The following ROR1 variants were observed in gnomAD, a reference collection of about 807,000 sequenced individuals.
ROR1 encodes inactive tyrosine-protein kinase transmembrane receptor ROR1.
A neutral mutation model predicts 78.8 loss-of-function variants in ROR1; 19 were observed. That is an observed-to-expected ratio of 0.24 (90% CI 0.17 to 0.35). The LOEUF (loss-of-function observed/expected upper bound fraction) is 0.35. ROR1 is among the 10% of genes least tolerant of loss of function. ROR1 has a pLI of 1.00. For missense variants in ROR1, 917 were observed against 1,177.8 expected (o/e 0.78, Z 3.24); for synonymous variants, 386 against 433.6 (o/e 0.89, Z 1.36).
rs1230188124 is a variant in ROR1 at position 63,811,645 on chromosome 1, GAAGT to G, written c.91+37145_91+37148del. Reference sequence around the variant, plus strand: ...TTGGGACTGGAGGTGTGGTTAGCTGGAAGTAAGTAAGGTTCTGCTAGTTCCCTGG... The same window carrying G: ...TTGGGACTGGAGGTGTGGTTAGCTGGAAGTAAGGTTCTGCTAGTTCCCTGG... On this transcript the variant is annotated intron_variant, in intron 1 of 8. Transcript: ENST00000371079. Among the ~76,000 whole-genome samples the G allele has an allele frequency of 2.0e-5, 3 of 152,252 alleles. No individual in the cohort carries two copies. In the East Asian group the frequency reaches 5.8e-4, roughly 29 times the overall value.
At chr1:64,146,339 G>T (rs1170118394) in intron 7 of ROR1, among the ~76,000 whole-genome samples, 1 of 152,156 alleles carries the variant, frequency 6.6e-6, no homozygotes, top group Non-Finnish European at 1.5e-5. Flanking sequence ...AGCCAGGTGT[G>T]GTGGCATGCA....
chr1:64,112,726 G>C (rs557436897), intron 4 of ROR1, among the ~76,000 whole-genome samples: 42 of 151,956 alleles, frequency 2.8e-4, no homozygotes, highest in African/African-American at 7.2e-4. Context: ...TTCTGTCCCT[G>C]CCCTTCCTCC....
At chr1:63,791,652 G>C (rs1644727697) in intron 1 of ROR1, among the ~76,000 whole-genome samples, 1 of 152,080 alleles carries the variant, frequency 6.6e-6, no homozygotes, top group African/African-American at 2.4e-5. Flanking sequence ...TGGGCATGAG[G>C]GTGGGGTTCA....
intron 6 of ROR1, among the ~76,000 whole-genome samples, chr1:64,141,242 G>T (rs1276787166): frequency 6.6e-6 from 1 of 152,158 alleles, no homozygotes; most frequent in Non-Finnish European, 1.5e-5. Context: ...CAGGGTAATT[G>T]ATAAAAAAAG....
chr1:64,123,306 T>C (rs1344671159), intron 4 of ROR1, among the ~76,000 whole-genome samples: 1 of 152,226 alleles, frequency 6.6e-6, no homozygotes, highest in African/African-American at 2.4e-5. Flanking sequence ...CTATGTCTTG[T>C]TATACTATTG....
chr1:64,121,060 T>C (rs1008749515), intron 4 of ROR1, among the ~76,000 whole-genome samples: 29 of 15,434 alleles, frequency 1.9e-3, no homozygotes, highest in East Asian at 3.4e-3. Flanking sequence ...GAGATACCCC[T>C]TTTTTTTTTT....
At chr1:63,882,504 G>A (rs608471) in intron 1 of ROR1, among the ~76,000 whole-genome samples, 133,298 of 152,124 alleles carry the variant, frequency 0.88, 59,048 homozygotes, top group East Asian at 1. Flanking sequence ...GAGCCTGTGG[G>A]TGACTTAATC....
chr1:64,142,879 C>T (rs2100713680), intron 7 of ROR1: 1 of 1,374,688 alleles, frequency 7.3e-7, no homozygotes, highest in African/African-American at 1.5e-5. Flanking sequence ...CCATTGCACT[C>T]ATGGATGTAA....
intron 2 of ROR1, among the ~76,000 whole-genome samples, chr1:64,017,328 A>G (rs745953090): frequency 4.6e-5 from 7 of 152,152 alleles, no homozygotes; most frequent in Non-Finnish European, 7.4e-5. Flanking sequence ...TACACCCAGT[A>G]TAGAAGCATG....
intron 1 of ROR1, among the ~76,000 whole-genome samples, chr1:63,783,099 T>C (rs1284555932): frequency 6.6e-6 from 1 of 152,174 alleles, no homozygotes; most frequent in Non-Finnish European, 1.5e-5. Flanking sequence ...TCCTGAGTTC[T>C]TAAACCAGGC....
chr1:64,084,532 CA>C (rs1458500863), intron 4 of ROR1, among the ~76,000 whole-genome samples: 1 of 152,182 alleles, frequency 6.6e-6, no homozygotes, highest in Non-Finnish European at 1.5e-5. Flanking sequence ...GATCAAAGGG[CA>C]GTAGCCTGAA....
intron 1 of ROR1, among the ~76,000 whole-genome samples, chr1:63,922,016 C>G (rs1451176380): frequency 6.6e-6 from 1 of 152,200 alleles, no homozygotes; most frequent in Non-Finnish European, 1.5e-5. Flanking sequence ...TTATGCTTCT[C>G]AGCCTATTCT....
At chr1:63,924,776 C>T (rs938637170) in intron 1 of ROR1, among the ~76,000 whole-genome samples, 13 of 151,986 alleles carry the variant, frequency 8.6e-5, no homozygotes, top group African/African-American at 2.9e-4. Context: ...GGCCTGGGAG[C>T]ATTTTGTAGG....
chr1:63,825,572 G>A (rs974641672), intron 1 of ROR1, among the ~76,000 whole-genome samples: 17 of 152,136 alleles, frequency 1.1e-4, no homozygotes, highest in African/African-American at 4.1e-4. Context: ...TGGGGATGAC[G>A]GAAATGTTTT....
chr1:63,907,571 A>C (rs1645538971), intron 1 of ROR1, among the ~76,000 whole-genome samples: 1 of 152,190 alleles, frequency 6.6e-6, no homozygotes, highest in Non-Finnish European at 1.5e-5. Flanking sequence ...TTTCTCATAT[A>C]AAATGTGAAA....
At chr1:64,165,471 A>G (rs1033227243) in intron 8 of ROR1, among the ~76,000 whole-genome samples, 2 of 151,946 alleles carry the variant, frequency 1.3e-5, no homozygotes, top group East Asian at 1.9e-4. Flanking sequence ...TAAGACTTTC[A>G]CCGGATGCAT....
intron 1 of ROR1, among the ~76,000 whole-genome samples, chr1:64,006,305 C>A (rs1238237495): frequency 1.3e-5 from 2 of 152,156 alleles, no homozygotes; most frequent in Non-Finnish European, 2.9e-5. Context: ...ACCTTCTATT[C>A]CCAAGCTCCC....
intron 1 of ROR1, among the ~76,000 whole-genome samples, chr1:63,814,322 A>G (rs1476668679): frequency 6.6e-6 from 1 of 151,962 alleles, no homozygotes; most frequent in Non-Finnish European, 1.5e-5. Flanking sequence ...GTTGCATATC[A>G]TTTCAGGCAC....
chr1:63,819,723 G>A (rs1644913080), intron 1 of ROR1, among the ~76,000 whole-genome samples: 1 of 152,186 alleles, frequency 6.6e-6, no homozygotes, highest in African/African-American at 2.4e-5. Context: ...TCGAATACCA[G>A]CACTGTCCAT....
Sources: gnomAD v4.1 joint callset for allele counts (sites outside exome capture counted in the v4.1 genomes callset) on GRCh38, gnomAD v4.1.1 for gene constraint, MANE v1.5 for transcripts, NCBI Gene and HGNC (gene_info 2026-07-23, HGNC 2026-07-21) for gene names.